Variants in BAIAP2 observed in about 807,000 individuals in gnomAD.
The protein encoded by BAIAP2 is BAR/IMD domain-containing adapter protein 2.
BAIAP2 carries 18 observed loss-of-function variants against 63.0 expected under a neutral mutation model. That is an observed-to-expected ratio of 0.29 (90% CI 0.20 to 0.42). BAIAP2 has a LOEUF of 0.42. Among genes scored for constraint, BAIAP2 ranks in the 10% least tolerant of loss-of-function variants. The pLI is 1.00. For missense variants in BAIAP2, 610 were observed against 734.3 expected (o/e 0.83, Z 1.96); for synonymous variants, 386 against 307.6 (o/e 1.25, Z -2.67).
chr17:81,053,606 C>T (rs2049012862), intron 1 of BAIAP2, 62 bp from the exon 2 acceptor site: 2 of 1,585,440 alleles, frequency 1.3e-6, no homozygotes, highest in African/African-American at 1.3e-5. Context: ...TGTGTTCGGA[C>T]CCTTCGGAGT....
At chr17:81,074,076 G>A (rs975233883) in intron 3 of BAIAP2, among the ~76,000 whole-genome samples, 4 of 152,224 alleles carry the variant, frequency 2.6e-5, no homozygotes, top group African/African-American at 9.6e-5. Flanking sequence ...TGGCATCGTC[G>A]GGCCATTCAG....
At chr17:81,049,908 C>A (rs1040992935) in intron 1 of BAIAP2, among the ~76,000 whole-genome samples, 3 of 152,216 alleles carry the variant, frequency 2.0e-5, no homozygotes, top group African/African-American at 7.2e-5. Flanking sequence ...TCCACACGGG[C>A]CCACTGGGTC....
At chr17:81,089,615 G>T (rs1420477110) in intron 6 of BAIAP2, among the ~76,000 whole-genome samples, 1 of 151,776 alleles carries the variant, frequency 6.6e-6, no homozygotes, top group Middle Eastern at 3.2e-3. Context: ...AGCCCCCCTC[G>T]TCCGCAGGAG....
chr17:81,101,337 GCTGA>G (rs1350572167), intron 7 of BAIAP2, among the ~76,000 whole-genome samples: 1 of 152,118 alleles, frequency 6.6e-6, no homozygotes, highest in Non-Finnish European at 1.5e-5. Flanking sequence ...CTCCTAGGAG[GCTGA>G]CTTAGCCCCC....
chr17:81,105,297 G>A (rs1376347668), intron 10 of BAIAP2: 1 of 157,428 alleles, frequency 6.4e-6, no homozygotes, highest in African/African-American at 2.4e-5. Flanking sequence ...CACTCAGATT[G>A]CCGCAGGGTG....
intron 6 of BAIAP2, among the ~76,000 whole-genome samples, chr17:81,098,548 C>G (rs1234780215): frequency 6.6e-6 from 1 of 152,214 alleles, no homozygotes; most frequent in Non-Finnish European, 1.5e-5. Flanking sequence ...CACCATCCAT[C>G]TCCAGAACTT....
At chr17:81,041,871 C>T (rs542892436) in intron 1 of BAIAP2, among the ~76,000 whole-genome samples, 27 of 152,222 alleles carry the variant, frequency 1.8e-4, no homozygotes, top group South Asian at 4.1e-4. Flanking sequence ...TGCGCCTGGC[C>T]CTGTTTGGGT....
chr17:81,113,634 C>T (rs989264307), intron 13 of BAIAP2, among the ~76,000 whole-genome samples: 12 of 152,124 alleles, frequency 7.9e-5, no homozygotes, highest in African/African-American at 2.4e-5. Flanking sequence ...CCCCTGCCCC[C>T]GTCAGGCTGA....
chr17:81,112,162 C>T (rs914075416), intron 13 of BAIAP2, among the ~76,000 whole-genome samples: 1 of 152,236 alleles, frequency 6.6e-6, no homozygotes, highest in Non-Finnish European at 1.5e-5. Flanking sequence ...CCAGACCCCC[C>T]CACTCCCCCA....
At position 81,116,260 on chromosome 17, in the gene BAIAP2, C is replaced by A; in HGVS notation, c.*421C>A. On this transcript the variant is annotated 3_prime_UTR_variant, in exon 14 of 14. Transcript: ENST00000428708. Reference sequence around the variant, plus strand: ...ATCTGTCCGCCCAAGGGCCAGAAGGCCGGGAGCACGGGGATGGGAGCGCCC... The same window carrying A: ...ATCTGTCCGCCCAAGGGCCAGAAGGACGGGAGCACGGGGATGGGAGCGCCC... 1 of 1,612,840 alleles carries A rather than the reference C, an allele frequency of 6.2e-7. No individual in the cohort carries two copies. The highest frequency in any genetic ancestry group is 8.5e-7 in the Non-Finnish European group (1 of 1,179,938).
chr17:81,114,954 C>T (rs1474517577), intron 13 of BAIAP2, among the ~76,000 whole-genome samples: 3 of 152,234 alleles, frequency 2.0e-5, no homozygotes, highest in East Asian at 1.9e-4. Context: ...GCTGCGTCTT[C>T]ATGTCCACGT....
intron 3 of BAIAP2, among the ~76,000 whole-genome samples, chr17:81,058,495 G>A (rs988529513): frequency 1.3e-5 from 2 of 152,330 alleles, no homozygotes; most frequent in Admixed American, 1.3e-4. Flanking sequence ...GAAATTCAGG[G>A]CCCACGTGGT....
Position 81,035,196 on chromosome 17 carries a change from G to A in BAIAP2, c.-59G>A, listed in dbSNP as rs1372117335. On this transcript the variant is annotated 5_prime_UTR_variant, in exon 1 of 14. Transcript: ENST00000428708. ...TCTCCGTCCTGCTGCCGTTACCGCC[G>A]CTGCTGCCGCCGCTTGCGTCCCCCG... The A allele has an allele frequency of 2.0e-5, 28 of 1,384,160 alleles. No individual in the cohort carries two copies. Among genetic ancestry groups the A allele is most frequent in the East Asian group, 1.6e-4 (5 of 31,742 alleles). The allele number at this position is 1,384,160 out of a possible 1,614,324, so 85.7% of individuals were successfully genotyped here.
Position 81,115,851 on chromosome 17 carries a change from G to A in BAIAP2, c.*12G>A, listed in dbSNP as rs746584425. On this transcript the variant is annotated 3_prime_UTR_variant, in exon 14 of 14. Coordinates refer to ENST00000428708, the MANE Select transcript of BAIAP2 (RefSeq NM_001144888.2). Reference sequence around the variant, plus strand: ...CCCTCCTCAGCTGATGGCCACATCTGCAGTGCTGCCCATCTGGTGGCTTCC... The same window carrying A: ...CCCTCCTCAGCTGATGGCCACATCTACAGTGCTGCCCATCTGGTGGCTTCC... 7 of 1,613,012 alleles carry A rather than the reference G, an allele frequency of 4.3e-6. No individual in the cohort carries two copies. The highest frequency in any genetic ancestry group is 1.7e-5 in the Admixed American group (1 of 59,998).
chr17:81,036,937 C>T (rs1186080626), intron 1 of BAIAP2: 9 of 1,535,924 alleles, frequency 5.9e-6, no homozygotes, highest in African/African-American at 1.4e-5. Context: ...AAAGCAGGAA[C>T]TTTCGTGGTG....
intron 3 of BAIAP2, among the ~76,000 whole-genome samples, chr17:81,061,055 C>T (rs1277759953): frequency 1.3e-5 from 2 of 152,256 alleles, no homozygotes; most frequent in African/African-American, 2.4e-5. Flanking sequence ...ACCTGGGAGG[C>T]GGAGGTTGCA....
intron 6 of BAIAP2, among the ~76,000 whole-genome samples, chr17:81,088,417 C>A (rs1470696532): frequency 6.6e-6 from 1 of 152,234 alleles, no homozygotes; most frequent in Non-Finnish European, 1.5e-5. Flanking sequence ...ACCAGCAGTT[C>A]ACCATTTCAC....
chr17:81,068,495 C>T (rs773567146), intron 3 of BAIAP2, among the ~76,000 whole-genome samples: 22 of 152,190 alleles, frequency 1.4e-4, no homozygotes, highest in Non-Finnish European at 3.2e-4. Flanking sequence ...AGGAGGGCAG[C>T]GATGCAGGGC....
At chr17:81,061,764 T>G (rs892641747) in intron 3 of BAIAP2, among the ~76,000 whole-genome samples, 1 of 152,192 alleles carries the variant, frequency 6.6e-6, no homozygotes, top group Non-Finnish European at 1.5e-5. Flanking sequence ...TTTGTGTTTT[T>G]GTTCACCACT....
Sources: gnomAD v4.1 joint callset for allele counts (sites outside exome capture counted in the v4.1 genomes callset) on GRCh38, gnomAD v4.1.1 for gene constraint, MANE v1.5 for transcripts, NCBI Gene and HGNC (gene_info 2026-07-23, HGNC 2026-07-21) for gene names.